SH3RF3: variants seen among roughly 807,000 people sequenced by gnomAD.
SH3RF3 encodes E3 ubiquitin-protein ligase SH3RF3.
In SH3RF3, 29 loss-of-function variants were observed where a neutral mutation model predicts 66.3. That is an observed-to-expected ratio of 0.44 (90% CI 0.33 to 0.60). SH3RF3 has a LOEUF of 0.60. Ranked by LOEUF, SH3RF3 falls within the 20% of genes least tolerant of loss-of-function variation. The pLI is 0.04. For missense variants in SH3RF3, 1,194 were observed against 1,190.9 expected (o/e 1.00, Z -0.04); for synonymous variants, 583 against 532.0 (o/e 1.10, Z -1.32).
intron 2 of SH3RF3, among the ~76,000 whole-genome samples, chr2:109,362,846 C>G (rs747285919): frequency 4.6e-5 from 7 of 152,104 alleles, no homozygotes; most frequent in Non-Finnish European, 1.0e-4. Flanking sequence ...GATAACTTTT[C>G]TCACTCTGAA....
chr2:109,338,126 G>T (rs191770679), intron 1 of SH3RF3, among the ~76,000 whole-genome samples: 5 of 152,146 alleles, frequency 3.3e-5, no homozygotes, highest in Admixed American at 6.5e-5. Context: ...GTAGCTTCCC[G>T]AGTCGGAAGT....
chr2:109,324,349 C>T (rs1682099996), intron 1 of SH3RF3, among the ~76,000 whole-genome samples: 1 of 152,106 alleles, frequency 6.6e-6, no homozygotes, highest in Non-Finnish European at 1.5e-5. Flanking sequence ...CTCTCTTTAA[C>T]CTTCTGAGGG....
chr2:109,350,155 C>T (rs1226867131), intron 2 of SH3RF3, among the ~76,000 whole-genome samples: 1 of 152,216 alleles, frequency 6.6e-6, no homozygotes, highest in Non-Finnish European at 1.5e-5. Flanking sequence ...AGCCATCAGG[C>T]TTAGACTCAT....
At chr2:109,395,526 C>G (rs148215952) in intron 3 of SH3RF3, among the ~76,000 whole-genome samples, 411 of 152,166 alleles carry the variant, frequency 2.7e-3, no homozygotes, top group Non-Finnish European at 4.9e-3. Context: ...CTTCTCCTGC[C>G]GTCTGTTGAA....
intron 1 of SH3RF3, among the ~76,000 whole-genome samples, chr2:109,287,633 C>T (rs548427356): frequency 7.2e-5 from 11 of 152,210 alleles, no homozygotes; most frequent in East Asian, 1.9e-4. Flanking sequence ...CAATGGGAGG[C>T]GGGAGGGGAA....
intron 1 of SH3RF3, among the ~76,000 whole-genome samples, chr2:109,191,801 G>C (rs548652571): frequency 3.9e-5 from 6 of 152,304 alleles, no homozygotes; most frequent in African/African-American, 1.4e-4. Context: ...AAAGTCCCCA[G>C]GTTGGGACTG....
intron 1 of SH3RF3, among the ~76,000 whole-genome samples, chr2:109,257,271 A>G (rs1211388339): frequency 6.6e-6 from 1 of 152,082 alleles, no homozygotes. Flanking sequence ...CAGGAGGTAC[A>G]AAGTCAGCTG....
In SH3RF3 at chr2:109,437,094, A is replaced by G. The variant is rs1677425601; in HGVS notation, c.1776A>G (p.Leu592=). The change falls in exon 7 of 10, where the codon CTA becomes CTG. Residue 592 remains leucine, a synonymous_variant. Coordinates refer to ENST00000309415, the MANE Select transcript of SH3RF3 (RefSeq NM_001099289.3). ...PTASPPTGSC[L]RHSAQPTASQ... ...CCTCGCCCCCAACAGGCAGCTGTCT[A>G]CGGCACTCAGCCCAGCCAACGGCCA... 2 of 1,613,420 alleles carry G rather than the reference A, an allele frequency of 1.2e-6. No individual in the cohort carries two copies. Among genetic ancestry groups the G allele is most frequent in the South Asian group, 1.1e-5 (1 of 91,022 alleles).
intron 1 of SH3RF3, among the ~76,000 whole-genome samples, chr2:109,209,091 A>C (rs560509238): frequency 3.9e-5 from 6 of 152,328 alleles, no homozygotes; most frequent in African/African-American, 1.4e-4. Context: ...CTTAAACAAA[A>C]CCCACAAATG....
intron 1 of SH3RF3, among the ~76,000 whole-genome samples, chr2:109,156,037 T>A (rs1435822362): frequency 6.6e-6 from 1 of 152,246 alleles, no homozygotes; most frequent in East Asian, 1.9e-4. Context: ...ATTTTGCCCC[T>A]GCCTGAAATC....
chr2:109,462,600 C>G (rs1678235245), intron 8 of SH3RF3, among the ~76,000 whole-genome samples: 1 of 152,170 alleles, frequency 6.6e-6, no homozygotes, highest in Non-Finnish European at 1.5e-5. Context: ...TCTAGGAATG[C>G]ATATTGCTTT....
At chr2:109,210,025 G>T (rs1191867837) in intron 1 of SH3RF3, among the ~76,000 whole-genome samples, 3 of 152,200 alleles carry the variant, frequency 2.0e-5, no homozygotes, top group African/African-American at 7.2e-5. Flanking sequence ...CTCTGTGAAT[G>T]ACTATTCTAG....
rs376745493 is a variant in SH3RF3 at position 109,249,793 on chromosome 2, A to G, written c.574-97881A>G. ...TGCCTCAGCCTCCTGAGTAGCTGGGACTACAGGCGCCCGCCACCGCGCCCG... is the reference window on the plus strand; with the variant it reads ...TGCCTCAGCCTCCTGAGTAGCTGGGGCTACAGGCGCCCGCCACCGCGCCCG... On this transcript the variant is annotated intron_variant, in intron 1 of 9. Transcript: ENST00000309415. Among the ~76,000 whole-genome samples, 4 of 151,780 alleles carry G rather than the reference A, an allele frequency of 2.6e-5. No homozygotes were observed. In the East Asian group the frequency reaches 5.8e-4, roughly 22 times the overall value.
rs1007820320 is a variant in SH3RF3 at position 109,436,768 on chromosome 2, G to A, written c.1575-125G>A. 3.6e-5 allele frequency: 51 copies of A among 1,413,680 alleles called. No individual in the cohort carries two copies. In the African/African-American group the frequency reaches 4.0e-4, roughly 11 times the overall value. 87.6% of individuals were successfully genotyped at this position (1,413,680 alleles called of 1,614,324 possible). ...GTGACGGGCATTGTTTTAGGACCTC[G>A]TCCCCAGATCAGTTGGCCTTCATCT... On this transcript the variant is annotated intron_variant, in intron 6 of 9. Transcript: ENST00000309415.
At chr2:109,140,271 A>C (rs1449346294) in intron 1 of SH3RF3, among the ~76,000 whole-genome samples, 1 of 152,202 alleles carries the variant, frequency 6.6e-6, no homozygotes, top group Non-Finnish European at 1.5e-5. Flanking sequence ...GATCAGCTGC[A>C]TCCAGCCATG....
intron 8 of SH3RF3, among the ~76,000 whole-genome samples, chr2:109,450,439 C>A (rs1278900817): frequency 3.3e-5 from 5 of 152,116 alleles, no homozygotes; most frequent in Non-Finnish European, 7.3e-5. Flanking sequence ...GGATGAGAAT[C>A]CAGACTTCTA....
intron 1 of SH3RF3, among the ~76,000 whole-genome samples, chr2:109,301,315 C>T (rs1274197244): frequency 2.1e-5 from 3 of 139,724 alleles, no homozygotes; most frequent in Admixed American, 7.2e-5. Context: ...TGGTGGGGGG[C>T]GGGCTGTGTA....
rs114780728 is a variant in SH3RF3, at chr2:109,412,098, C to T, written c.1300-7441C>T. 2.5e-3 allele frequency among the ~76,000 whole-genome samples: 375 copies of T among 152,344 alleles called. 2 individuals are homozygous for T. Among genetic ancestry groups the T allele is most frequent in the African/African-American group, 8.2e-3 (342 of 41,584 alleles). ...GCCCTGTGGGTTGCTTTACGTTGGA[C>T]TCACGCAGGGCAGTCGGTGGATGCC... is the stretch of plus-strand genomic sequence containing the variant. On this transcript the variant is annotated intron_variant, in intron 4 of 9. Transcript: ENST00000309415.
chr2:109,391,021 C>A (rs1220523039), intron 3 of SH3RF3, among the ~76,000 whole-genome samples: 2 of 152,210 alleles, frequency 1.3e-5, no homozygotes, highest in Non-Finnish European at 1.5e-5. Flanking sequence ...TGGACGGGTG[C>A]CACCTGCCTC....
Sources: allele counts gnomAD v4.1 joint callset (sites outside exome capture counted in the v4.1 genomes callset), GRCh38; gene constraint gnomAD v4.1.1; transcripts MANE v1.5; gene names NCBI Gene and HGNC (gene_info 2026-07-23, HGNC 2026-07-21).